OLA1: variants seen among roughly 807,000 people sequenced by gnomAD.
OLA1 encodes the protein Obg like ATPase 1, also known as obg-like ATPase 1.
A neutral mutation model predicts 48.4 loss-of-function variants in OLA1; 14 were observed. The observed-to-expected ratio is 0.29, with a 90% CI of 0.19 to 0.45. OLA1 has a LOEUF of 0.45. Ranked by LOEUF, OLA1 falls within the 20% of genes least tolerant of loss-of-function variation. The pLI, the probability that OLA1 is intolerant of heterozygous loss-of-function variation, is 1.00. For missense variants in OLA1, 325 were observed against 467.1 expected, an observed-to-expected ratio of 0.70 and a Z score of 2.80; for synonymous variants, 127 against 150.4, an observed-to-expected ratio of 0.84 and a Z score of 1.14.
At chr2:174,137,492 C>A (rs1354431042) in intron 5 of OLA1, among the ~76,000 whole-genome samples, 1 of 152,222 alleles carries the variant, frequency 6.6e-6, no homozygotes, top group African/African-American at 2.4e-5. Flanking sequence ...TCCTTTGAAG[C>A]CAGGCATTGA....
chr2:174,177,754 G>A (rs992998465), intron 4 of OLA1, among the ~76,000 whole-genome samples: 15 of 151,748 alleles, frequency 9.9e-5, no homozygotes, highest in African/African-American at 3.1e-4. Context: ...TTTTGACAAA[G>A]TCAGCCAGCT....
intron 7 of OLA1, among the ~76,000 whole-genome samples, chr2:174,084,741 G>T (rs535598299): frequency 6.6e-6 from 1 of 152,172 alleles, no homozygotes; most frequent in African/African-American, 2.4e-5. Context: ...CTATTGGCAC[G>T]AGGGATATAG....
intron 4 of OLA1, among the ~76,000 whole-genome samples, chr2:174,210,924 CAAT>C (rs1244471799): frequency 2.0e-5 from 3 of 152,106 alleles, no homozygotes; most frequent in African/African-American, 7.2e-5. Flanking sequence ...ACTGAATTCT[CAAT>C]GATGTTCCCT....
At chr2:174,188,091 A>G (rs1172998227) in intron 4 of OLA1, among the ~76,000 whole-genome samples, 1 of 152,200 alleles carries the variant, frequency 6.6e-6, no homozygotes, top group Non-Finnish European at 1.5e-5. Flanking sequence ...GATAAAACCA[A>G]TGATGGAGAG....
At chr2:174,152,898 G>T (rs1686780343) in intron 4 of OLA1, among the ~76,000 whole-genome samples, 1 of 152,134 alleles carries the variant, frequency 6.6e-6, no homozygotes, top group Admixed American at 6.5e-5. Context: ...ATTGTTTAAT[G>T]CTGGAATAGA....
At chr2:174,206,820 G>A (rs557425430) in intron 4 of OLA1, among the ~76,000 whole-genome samples, 2 of 152,206 alleles carry the variant, frequency 1.3e-5, no homozygotes, top group African/African-American at 4.8e-5. Context: ...AATTTGTACT[G>A]AAGAAACAAA....
intron 5 of OLA1, among the ~76,000 whole-genome samples, chr2:174,133,907 A>G (rs550734645): frequency 6.6e-6 from 1 of 152,354 alleles, no homozygotes; most frequent in South Asian, 2.1e-4. Flanking sequence ...AAAATAAAGC[A>G]ATGTATTCAT....
intron 4 of OLA1, among the ~76,000 whole-genome samples, chr2:174,182,338 A>G (rs1476464536): frequency 6.6e-6 from 1 of 152,176 alleles, no homozygotes; most frequent in African/African-American, 2.4e-5. Context: ...CAGCCTGACC[A>G]ACATGAAGAA....
chr2:174,098,137 T>C (rs1410806241), intron 7 of OLA1, among the ~76,000 whole-genome samples: 2 of 152,200 alleles, frequency 1.3e-5, no homozygotes, highest in African/African-American at 4.8e-5. Flanking sequence ...TTCAATAGTT[T>C]AGTTACAAAT....
intron 4 of OLA1, among the ~76,000 whole-genome samples, chr2:174,159,427 C>T (rs1349132503): frequency 6.6e-6 from 1 of 152,028 alleles, no homozygotes; most frequent in African/African-American, 2.4e-5. Context: ...AACAAAGGTA[C>T]ACAGCTATTC....
chr2:174,147,852 C>CTTTATT (rs1194718186), intron 4 of OLA1, among the ~76,000 whole-genome samples: 1 of 152,100 alleles, frequency 6.6e-6, no homozygotes, highest in Non-Finnish European at 1.5e-5. Context: ...GAGACAGAGT[C>CTTTATT]TTGCTCTGTC....
chr2:174,224,093 A>T (rs1688564127), intron 3 of OLA1, among the ~76,000 whole-genome samples: 1 of 152,250 alleles, frequency 6.6e-6, no homozygotes, highest in Non-Finnish European at 1.5e-5. Context: ...ATAAAATACA[A>T]CATAAAAGTT....
At chr2:174,223,860 T>C (rs532947839) in intron 3 of OLA1, among the ~76,000 whole-genome samples, 117 of 151,450 alleles carry the variant, frequency 7.7e-4, no homozygotes, top group African/African-American at 2.6e-3. Flanking sequence ...CAAATTAGGC[T>C]ATATACAAAA....
chr2:174,148,439 A>G (rs1686665011), intron 4 of OLA1, among the ~76,000 whole-genome samples: 1 of 152,182 alleles, frequency 6.6e-6, no homozygotes, highest in Admixed American at 6.5e-5. Flanking sequence ...TAATTTGCAC[A>G]AGGAGAAATA....
At chr2:174,231,290 A>G (rs1032988921) in intron 2 of OLA1, among the ~76,000 whole-genome samples, 1 of 152,230 alleles carries the variant, frequency 6.6e-6, no homozygotes, top group Non-Finnish European at 1.5e-5. Context: ...GAAATATTGC[A>G]GAATAATGTT....
intron 5 of OLA1, among the ~76,000 whole-genome samples, chr2:174,139,033 C>T (rs1686376954): frequency 1.3e-5 from 2 of 152,150 alleles, no homozygotes; most frequent in Non-Finnish European, 2.9e-5. Flanking sequence ...TTTCATTTTT[C>T]CAAATGGGAT....
At chr2:174,161,577 A>G (rs1687013030) in intron 4 of OLA1, among the ~76,000 whole-genome samples, 1 of 151,690 alleles carries the variant, frequency 6.6e-6, no homozygotes, top group East Asian at 1.9e-4. Context: ...AGATGGGAGG[A>G]CTGCTTTAGC....
At chr2:174,168,680 G>C (rs1465891706) in intron 4 of OLA1, among the ~76,000 whole-genome samples, 1 of 152,020 alleles carries the variant, frequency 6.6e-6, no homozygotes, top group Non-Finnish European at 1.5e-5. Flanking sequence ...TGGTGGGAGA[G>C]AAGGAAGAAG....
intron 7 of OLA1, among the ~76,000 whole-genome samples, chr2:174,122,562 G>A (rs1197125925): frequency 1.3e-5 from 2 of 152,178 alleles, no homozygotes; most frequent in African/African-American, 2.4e-5. Flanking sequence ...GCCAAATGTG[G>A]ACATGCCCAC....
Sources: allele counts gnomAD v4.1 joint callset (sites outside exome capture counted in the v4.1 genomes callset), GRCh38; gene constraint gnomAD v4.1.1; transcripts MANE v1.5; gene names NCBI Gene and HGNC (gene_info 2026-07-23, HGNC 2026-07-21).